The following CNTNAP4 variants were observed in gnomAD, a reference collection of about 807,000 sequenced individuals.
CNTNAP4 encodes the protein contactin-associated protein-like 4.
Under a neutral mutation model 148.4 loss-of-function variants are expected in CNTNAP4, and 98 were observed. That is an observed-to-expected ratio of 0.66 (90% CI 0.56 to 0.78). CNTNAP4 has a LOEUF of 0.78. Among genes scored for constraint, CNTNAP4 ranks in the 30% least tolerant of loss-of-function variants. The pLI is 0.00. For missense variants in CNTNAP4, 1,935 were observed against 1,565.6 expected (o/e 1.24, Z -3.98); for synonymous variants, 730 against 565.1 (o/e 1.29, Z -4.14).
intron 8 of CNTNAP4, among the ~76,000 whole-genome samples, chr16:76,460,504 G>C (rs1379251719): frequency 6.7e-6 from 1 of 149,090 alleles, no homozygotes; most frequent in Non-Finnish European, 1.5e-5. Flanking sequence ...GCTCACGCCT[G>C]TAATCCCAGC....
intron 1 of CNTNAP4, among the ~76,000 whole-genome samples, chr16:76,305,357 G>T (rs9673940): frequency 6.6e-6 from 1 of 151,884 alleles, no homozygotes; most frequent in Non-Finnish European, 1.5e-5. Context: ...ATCGTAGATT[G>T]ATTGATTTTG....
intron 4 of CNTNAP4, among the ~76,000 whole-genome samples, chr16:76,443,597 AT>A (rs201701161): frequency 0.015 from 2,306 of 152,226 alleles, 61 homozygotes; most frequent in African/African-American, 0.052. Context: ...TCCAAAAAAA[AT>A]ATTTTCCCAA....
intron 21 of CNTNAP4, among the ~76,000 whole-genome samples, chr16:76,545,885 A>T (rs1210549911): frequency 6.6e-6 from 1 of 152,074 alleles, no homozygotes; most frequent in Non-Finnish European, 1.5e-5. Flanking sequence ...AAATACAAAA[A>T]TTAGCCGGGC....
intron 12 of CNTNAP4, among the ~76,000 whole-genome samples, chr16:76,482,101 T>G (rs1397771660): frequency 6.6e-6 from 1 of 151,950 alleles, no homozygotes; most frequent in East Asian, 1.9e-4. Flanking sequence ...GCTCCTGGGT[T>G]AGGGAATGCT....
rs190738511 is a variant in CNTNAP4 at position 76,301,358 on chromosome 16, A to T, written c.86-15055A>T. Among the ~76,000 whole-genome samples the T allele has an allele frequency of 7.5e-3, 1,138 of 152,326 alleles. 14 individuals carry two copies. The highest frequency in any genetic ancestry group is 0.011 in the Non-Finnish European group (767 of 68,020). On this transcript the variant is annotated intron_variant, in intron 1 of 23. Transcript: ENST00000611870. ...ACAAAAATTTAAACATAATTTTTTT[A>T]AAAACTGTGTTTGAGGCCAAAAGTG...
chr16:76,499,065 ATTTTTT>A (rs57402016), intron 15 of CNTNAP4, among the ~76,000 whole-genome samples: 5 of 122,796 alleles, frequency 4.1e-5, no homozygotes, highest in Non-Finnish European at 3.5e-5. Context: ...TTTTACCACA[ATTTTTT>A]TTTTTTTTTT....
intron 1 of CNTNAP4, among the ~76,000 whole-genome samples, chr16:76,302,128 G>T (rs769055530): frequency 5.0e-4 from 76 of 152,164 alleles, no homozygotes; most frequent in Admixed American, 2.0e-3. Flanking sequence ...GCCAGGGAAG[G>T]TACAATTTCA....
chr16:76,554,138 C>T (rs1218380436), intron 23 of CNTNAP4, among the ~76,000 whole-genome samples: 2 of 152,160 alleles, frequency 1.3e-5, no homozygotes, highest in Non-Finnish European at 1.5e-5. Flanking sequence ...TTCACTGAAG[C>T]ATGGCACTCA....
chr16:76,503,148 T>C (rs960631388), intron 15 of CNTNAP4, among the ~76,000 whole-genome samples: 2 of 152,204 alleles, frequency 1.3e-5, no homozygotes, highest in African/African-American at 4.8e-5. Flanking sequence ...TGATAGCTAA[T>C]GTCATACTTT....
intron 3 of CNTNAP4, among the ~76,000 whole-genome samples, chr16:76,410,174 T>C (rs1218564579): frequency 6.6e-6 from 1 of 151,754 alleles, no homozygotes; most frequent in Non-Finnish European, 1.5e-5. Context: ...AATTTCTCTT[T>C]ATGGAAAGGG....
chr16:76,371,756 G>C (rs144598329), intron 3 of CNTNAP4, among the ~76,000 whole-genome samples: 2 of 152,308 alleles, frequency 1.3e-5, no homozygotes, highest in Non-Finnish European at 2.9e-5. Flanking sequence ...TCCAAGCTCA[G>C]GTGTTTAATT....
At chr16:76,526,360 G>C (rs1357154793) in intron 17 of CNTNAP4, among the ~76,000 whole-genome samples, 1 of 152,098 alleles carries the variant, frequency 6.6e-6, no homozygotes, top group East Asian at 1.9e-4. Context: ...ACCTTGTAGG[G>C]CCATGGCGAG....
chr16:76,396,711 A>G (rs909773171), intron 3 of CNTNAP4, among the ~76,000 whole-genome samples: 7 of 151,988 alleles, frequency 4.6e-5, no homozygotes, highest in Non-Finnish European at 1.0e-4. Context: ...AGCATCCTTC[A>G]CCTCATGCCT....
At chr16:76,363,696 G>A (rs566530215) in intron 3 of CNTNAP4, among the ~76,000 whole-genome samples, 1 of 152,128 alleles carries the variant, frequency 6.6e-6, no homozygotes, top group Admixed American at 6.5e-5. Context: ...AAGTGAACAG[G>A]CATCCTAAAG....
intron 8 of CNTNAP4, among the ~76,000 whole-genome samples, chr16:76,459,362 ATCTAACCTACATTC>A (rs2080854481): frequency 6.6e-6 from 1 of 152,208 alleles, no homozygotes; most frequent in Non-Finnish European, 1.5e-5. Flanking sequence ...GTCTAAATGT[ATCTAACCTACATTC>A]TTCCCATTCC....
rs1398516676 is a variant in CNTNAP4 at position 76,489,700 on chromosome 16, A to G, written c.1897A>G (p.Ile633Val). The G allele has an allele frequency of 1.0e-5, 16 of 1,591,298 alleles. No individual in the cohort carries two copies. Among genetic ancestry groups the G allele is most frequent in the Admixed American group, 3.4e-5 (2 of 58,666 alleles). Residue 633 changes from isoleucine (I) to valine (V), a missense_variant, in exon 13 of 24, where the codon ATC (isoleucine) becomes GTC (valine). Ile to Val is a conservative substitution (Grantham distance 29). Coordinates refer to ENST00000611870, the MANE Select transcript of CNTNAP4 (RefSeq NM_033401.5). ...YCNMTETAWTIIQHNGSDLTR... is the reference protein window; with the variant it reads ...YCNMTETAWTVIQHNGSDLTR... ...CTGCATACAAGAAACTGCATGGACC[A>G]TCATACAGCACAACGGCTCTGACTT...
rs141046299 is a variant in CNTNAP4 at position 76,312,962 on chromosome 16, C to T, written c.86-3451C>T. 5.9e-4 allele frequency among the ~76,000 whole-genome samples: 90 copies of T among 152,196 alleles called. No homozygotes were observed. The East Asian group carries it at 0.011, about 19-fold the overall frequency. On this transcript the variant is annotated intron_variant, in intron 1 of 23. Transcript: ENST00000611870. ...AATATATCATTGTAAAATAAACATA[C>T]AACAGATTGTAGGGGCAGGTGTATG... is the stretch of plus-strand genomic sequence containing the variant.
At chr16:76,528,895 C>G (rs1332022324) in intron 17 of CNTNAP4, among the ~76,000 whole-genome samples, 1 of 152,174 alleles carries the variant, frequency 6.6e-6, no homozygotes, top group Non-Finnish European at 1.5e-5. Context: ...CAATACAGAT[C>G]AGAAGGCTTT....
Position 76,438,361 on chromosome 16 carries a change from C to A in CNTNAP4, c.539-9651C>A, listed in dbSNP as rs558019989. Among the ~76,000 whole-genome samples, 4 of 152,226 alleles carry A rather than the reference C, an allele frequency of 2.6e-5. No individual in the cohort carries two copies. The South Asian group carries it at 8.3e-4, about 32-fold the overall frequency. On this transcript the variant is annotated intron_variant, in intron 4 of 23. Coordinates refer to ENST00000611870, the MANE Select transcript of CNTNAP4 (RefSeq NM_033401.5). ...CTACGTAGGGCTGGAAGGGGACCAC[C>A]TTTGGAGTTCAAGTCCTGCCAATTT...
Sources: gnomAD v4.1 joint callset for allele counts (sites outside exome capture counted in the v4.1 genomes callset) on GRCh38, gnomAD v4.1.1 for gene constraint, MANE v1.5 for transcripts, NCBI Gene and HGNC (gene_info 2026-07-23, HGNC 2026-07-21) for gene names.